Variants in VOPP1 observed in about 807,000 individuals in gnomAD.
VOPP1 encodes the protein VOPP1 WW domain binding protein, also known as WW domain binding protein VOPP1.
In VOPP1, 8 loss-of-function variants were observed where a neutral mutation model predicts 23.5. That is an observed-to-expected ratio of 0.34 (90% CI 0.20 to 0.61). The LOEUF is 0.61. VOPP1 is among the 20% of genes least tolerant of loss of function. VOPP1 has a pLI of 0.78. For missense variants in VOPP1, 174 were observed against 238.1 expected (o/e 0.73, Z 1.77); for synonymous variants, 83 against 97.3 (o/e 0.85, Z 0.86).
intron 1 of VOPP1, among the ~76,000 whole-genome samples, chr7:55,544,046 C>T (rs1337413500): frequency 6.6e-6 from 1 of 152,124 alleles, no homozygotes; most frequent in Non-Finnish European, 1.5e-5. Context: ...TTCATAGTTC[C>T]AGGTCTTACA....
In VOPP1 at chr7:55,509,831, G is replaced by A. The variant is rs536008170; in HGVS notation, c.113+11241C>T. Among the ~76,000 whole-genome samples the A allele has an allele frequency of 2.0e-5, 3 of 152,256 alleles. No homozygotes were observed. In the South Asian group the frequency reaches 6.2e-4, roughly 32 times the overall value. Reference sequence around the variant, plus strand: ...TGGTCTCTCTCTGTCTTCCCAACCAGAAACCTCTGATTTATTTGACTCCCT... The same window carrying A: ...TGGTCTCTCTCTGTCTTCCCAACCAAAAACCTCTGATTTATTTGACTCCCT... On this transcript the variant is annotated intron_variant, in intron 2 of 4. Transcript: ENST00000285279.
intron 4 of VOPP1, among the ~76,000 whole-genome samples, chr7:55,457,949 A>G (rs1791409523): frequency 6.6e-6 from 1 of 152,108 alleles, no homozygotes; most frequent in Admixed American, 6.6e-5. Context: ...TTAGCTTAAT[A>G]TAGTCCCATT....
intron 3 of VOPP1, among the ~76,000 whole-genome samples, chr7:55,493,496 A>G (rs1425072400): frequency 6.6e-6 from 1 of 152,272 alleles, no homozygotes; most frequent in Non-Finnish European, 1.5e-5. Flanking sequence ...CAGCCAGTCC[A>G]AAAGTATTTA....
intron 2 of VOPP1, among the ~76,000 whole-genome samples, chr7:55,513,176 G>C (rs1795192238): frequency 6.7e-6 from 1 of 148,882 alleles, no homozygotes; most frequent in South Asian, 2.1e-4. Context: ...GCCTCCTGCT[G>C]GATAAGCCCT....
intron 4 of VOPP1, among the ~76,000 whole-genome samples, chr7:55,441,342 T>C (rs546466171): frequency 4.9e-4 from 75 of 152,308 alleles, no homozygotes; most frequent in African/African-American, 1.7e-3. Context: ...TTGAAAAGCA[T>C]GAGGGCGTCA....
At chr7:55,449,202 C>T (rs1791178359) in intron 4 of VOPP1, among the ~76,000 whole-genome samples, 1 of 152,228 alleles carries the variant, frequency 6.6e-6, no homozygotes, top group Non-Finnish European at 1.5e-5. Context: ...CCGCGGGTCC[C>T]CTGCTCCTGT....
chr7:55,544,168 A>T (rs1797261281), intron 1 of VOPP1, among the ~76,000 whole-genome samples: 1 of 152,232 alleles, frequency 6.6e-6, no homozygotes. Flanking sequence ...TTGAAGAGAC[A>T]ATGTCCTTTG....
At chr7:55,460,045 G>C (rs993518803) in intron 4 of VOPP1, among the ~76,000 whole-genome samples, 1 of 138,616 alleles carries the variant, frequency 7.2e-6, no homozygotes, top group Admixed American at 7.7e-5. Context: ...GTATCCCATA[G>C]GTGTGGGTAT....
At chr7:55,556,636 A>ACCC (rs5884422) in intron 1 of VOPP1, among the ~76,000 whole-genome samples, 1 of 146,024 alleles carries the variant, frequency 6.8e-6, no homozygotes, top group Non-Finnish European at 1.5e-5. Context: ...AGCTGTTGGA[A>ACCC]CCCCCCCCCA....
intron 1 of VOPP1, chr7:55,537,389 C>T (rs1796861266): frequency 2.1e-6 from 3 of 1,438,742 alleles, no homozygotes; most frequent in African/African-American, 1.4e-5. Flanking sequence ...TTTCGTGCTC[C>T]AGCCTTCTGG....
intron 1 of VOPP1, chr7:55,521,888 A>G: frequency 1.0e-6 from 1 of 985,960 alleles, no homozygotes; most frequent in Non-Finnish European, 1.2e-6. Context: ...TGCTCTTCCC[A>G]TCTGAACAAG....
chr7:55,473,756 TAAAG>T (rs1792022324), intron 4 of VOPP1, among the ~76,000 whole-genome samples: 1 of 152,168 alleles, frequency 6.6e-6, no homozygotes, highest in Admixed American at 6.5e-5. Context: ...CATATGTAAA[TAAAG>T]AATCAGACAA....
At chr7:55,508,160 G>T (rs139903468) in intron 2 of VOPP1, among the ~76,000 whole-genome samples, 1,672 of 152,276 alleles carry the variant, frequency 0.011, 11 homozygotes, top group Middle Eastern at 0.02. Context: ...AACCCTTGAG[G>T]AGCTGCTGCC....
chr7:55,446,423 A>C (rs1027154389), intron 4 of VOPP1, among the ~76,000 whole-genome samples: 2 of 152,234 alleles, frequency 1.3e-5, no homozygotes, highest in Admixed American at 6.5e-5. Context: ...CATGTAACTT[A>C]GAGATACCAC....
chr7:55,459,386 T>C (rs1791443801), intron 4 of VOPP1, among the ~76,000 whole-genome samples: 1 of 152,206 alleles, frequency 6.6e-6, no homozygotes, highest in Admixed American at 6.5e-5. Flanking sequence ...GCTGGCCTTG[T>C]AGAATGAGTT....
intron 1 of VOPP1, among the ~76,000 whole-genome samples, chr7:55,545,346 G>GC (rs1430181553): frequency 6.6e-6 from 1 of 152,186 alleles, no homozygotes; most frequent in Non-Finnish European, 1.5e-5. Context: ...AGTCACTGAA[G>GC]CCCCCAGTGC....
At chr7:55,456,715 C>T (rs371538395) in intron 4 of VOPP1, among the ~76,000 whole-genome samples, 21 of 152,178 alleles carry the variant, frequency 1.4e-4, no homozygotes, top group Admixed American at 3.3e-4. Flanking sequence ...AACCGAACAC[C>T]GCATGTTCTC....
At chr7:55,541,946 A>G (rs74492421) in intron 1 of VOPP1, among the ~76,000 whole-genome samples, 1,668 of 152,322 alleles carry the variant, frequency 0.011, 11 homozygotes, top group Middle Eastern at 0.02. Context: ...AAGGTACAAG[A>G]TTTCTTCTAG....
At chr7:55,561,699 A>G (rs62455001) in intron 1 of VOPP1, among the ~76,000 whole-genome samples, 1 of 538 alleles carries the variant, frequency 1.9e-3, no homozygotes, top group African/African-American at 2.3e-3. Flanking sequence ...TCTGTCTGGA[A>G]AAAAAAAAAA....
Sources: gnomAD v4.1 joint callset for allele counts (sites outside exome capture counted in the v4.1 genomes callset) on GRCh38, gnomAD v4.1.1 for gene constraint, MANE v1.5 for transcripts, NCBI Gene and HGNC (gene_info 2026-07-23, HGNC 2026-07-21) for gene names.